ERG: variants seen among roughly 807,000 people sequenced by gnomAD.
The protein encoded by ERG is transcriptional regulator ERG.
A neutral mutation model predicts 55.3 loss-of-function variants in ERG; 9 were observed. That is an observed-to-expected ratio of 0.16 (90% confidence interval 0.10 to 0.28). The LOEUF (loss-of-function observed/expected upper bound fraction) is 0.28, where lower values mean the gene tolerates loss of function less well. Ranked by LOEUF, ERG falls within the 10% of genes least tolerant of loss-of-function variation. The pLI, the probability that ERG is intolerant of heterozygous loss-of-function variation, is 1.00. For synonymous variants in ERG, 223 were observed against 237.3 expected, an observed-to-expected ratio of 0.94 and a Z score of 0.55; for missense variants, 434 against 631.6, an observed-to-expected ratio of 0.69 and a Z score of 3.35.
intron 1 of ERG, among the ~76,000 whole-genome samples, chr21:38,613,296 C>T (rs967525255): frequency 2.6e-5 from 4 of 152,326 alleles, no homozygotes; most frequent in East Asian, 1.9e-4. Context: ...AAAGTTAGCA[C>T]ACGCGGCCCC....
intron 1 of ERG, among the ~76,000 whole-genome samples, chr21:38,482,143 C>T (rs1218636470): frequency 1.3e-5 from 2 of 152,178 alleles, no homozygotes; most frequent in African/African-American, 2.4e-5. Flanking sequence ...ATCATGTACT[C>T]GGCAGCACTC....
At chr21:38,520,004 T>C (rs111246525) in intron 2 of ERG, among the ~76,000 whole-genome samples, 1,714 of 150,510 alleles carry the variant, frequency 0.011, 13 homozygotes, top group Non-Finnish European at 0.019. Context: ...CACACACACA[T>C]ACAGACACAC....
intron 2 of ERG, among the ~76,000 whole-genome samples, chr21:38,571,317 C>A (rs1443866024): frequency 1.3e-5 from 2 of 151,974 alleles, no homozygotes; most frequent in African/African-American, 4.8e-5. Context: ...TTGAGACCAG[C>A]CTGGGCAAGA....
Position 38,652,525 on chromosome 21 carries a change from C to T in ERG, c.-150+9133G>A, listed in dbSNP as rs140909174. On this transcript the variant is annotated intron_variant, in intron 1 of 10. Coordinates refer to the ERG transcript ENST00000398910. ...AGAAACAAGGGTAAGAACATAAACT[C>T]GAGCTAGGAATGCAATGGCCCGCCA... 8.4e-4 allele frequency among the ~76,000 whole-genome samples: 128 copies of T among 152,290 alleles called. 1 individual carries two copies. Among genetic ancestry groups the T allele is most frequent in the Non-Finnish European group, 1.3e-3 (91 of 68,026 alleles).
At chr21:38,387,470 T>C (rs568306312) in intron 9 of ERG, among the ~76,000 whole-genome samples, 1 of 152,330 alleles carries the variant, frequency 6.6e-6, no homozygotes, top group South Asian at 2.1e-4. Context: ...AGCTGAATCC[T>C]GCCTCTGCCC....
At chr21:38,495,247 C>T (rs1488853947) in intron 1 of ERG, among the ~76,000 whole-genome samples, 1 of 152,200 alleles carries the variant, frequency 6.6e-6, no homozygotes, top group Non-Finnish European at 1.5e-5. Context: ...AATGTGCAGA[C>T]GTGGCGTATA....
At chr21:38,483,829 A>T (rs35693265) in intron 1 of ERG, among the ~76,000 whole-genome samples, 18,226 of 152,188 alleles carry the variant, frequency 0.12, 1,230 homozygotes, top group East Asian at 0.26. Flanking sequence ...ATTGCACCAC[A>T]GCATTCCAGC....
In ERG at chr21:38,423,419, C is replaced by A. The variant is rs1028107759; in HGVS notation, c.379G>T (p.Val127Leu). ...NMTTNERRVI[V>L]PADPTLWSTD... ...GCTGTGGGCACCTGACCTGCTGGCA[C>A]GATAACTCTGCGCTCGTTCGTGGTC... The change falls in exon 3 of 10, where the codon GTG becomes TTG. Residue 127 changes from valine (V) to leucine (L), a missense_variant. By Grantham distance (32) the Val-to-Leu change is conservative. Transcript: ENST00000288319. 2 of 1,613,096 alleles carry A rather than the reference C, an allele frequency of 1.2e-6. No homozygotes were observed. The highest frequency in any genetic ancestry group is 1.7e-6 in the Non-Finnish European group (2 of 1,179,358).
intron 2 of ERG, among the ~76,000 whole-genome samples, chr21:38,438,154 A>C (rs7283535): frequency 0.84 from 127,902 of 152,218 alleles, 54,001 homozygotes; most frequent in South Asian, 0.93. Context: ...AATCACGGGC[A>C]TTCTCCCTCA....
intron 3 of ERG, among the ~76,000 whole-genome samples, chr21:38,418,675 C>G (rs993663015): frequency 2.0e-5 from 3 of 151,704 alleles, no homozygotes; most frequent in Non-Finnish European, 2.9e-5. Context: ...GCCTGTAATC[C>G]CAGCACTTTG....
intron 1 of ERG, among the ~76,000 whole-genome samples, chr21:38,603,580 C>T (rs547516703): frequency 2.0e-5 from 3 of 151,634 alleles, no homozygotes; most frequent in African/African-American, 7.3e-5. Flanking sequence ...TGGGGCCCAT[C>T]ATTGGAAATG....
chr21:38,418,681 C>T (rs1415646374), intron 3 of ERG, among the ~76,000 whole-genome samples: 2 of 151,322 alleles, frequency 1.3e-5, no homozygotes, highest in Non-Finnish European at 2.9e-5. Flanking sequence ...AATCCCAGCA[C>T]TTTGGGAGGC....
intron 1 of ERG, among the ~76,000 whole-genome samples, chr21:38,497,006 G>A (rs1037851903): frequency 4.6e-5 from 7 of 152,204 alleles, no homozygotes; most frequent in Non-Finnish European, 7.3e-5. Context: ...GTAGCTATAA[G>A]TAGGGCACAT....
intron 1 of ERG, among the ~76,000 whole-genome samples, chr21:38,656,957 A>T (rs1303928411): frequency 6.6e-6 from 1 of 152,206 alleles, no homozygotes; most frequent in Non-Finnish European, 1.5e-5. Context: ...GGGAGCACAT[A>T]TAAGACAAAA....
chr21:38,422,035 A>G (rs1406579280), intron 3 of ERG, among the ~76,000 whole-genome samples: 1 of 152,180 alleles, frequency 6.6e-6, no homozygotes, highest in African/African-American at 2.4e-5. Context: ...AAACTTTTAC[A>G]TAAACATGCA....
chr21:38,564,598 T>G (rs1354951818), intron 2 of ERG, among the ~76,000 whole-genome samples: 1 of 151,890 alleles, frequency 6.6e-6, no homozygotes, highest in African/African-American at 2.4e-5. Flanking sequence ...TTTTTTTTTG[T>G]TCATATTCAC....
chr21:38,498,712 G>A (rs774162016), upstream of ERG, among the ~76,000 whole-genome samples: 3 of 151,932 alleles, frequency 2.0e-5, no homozygotes, highest in African/African-American at 4.8e-5. The surrounding 1 kb of genome is among the most constrained non-coding windows in gnomAD (Gnocchi z 4.6). Flanking sequence ...CCGGTGTGCC[G>A]CCGTGTGACA....
chr21:38,518,200 AACT>A (rs2146741226), intron 2 of ERG, among the ~76,000 whole-genome samples: 1 of 152,222 alleles, frequency 6.6e-6, no homozygotes, highest in African/African-American at 2.4e-5. Flanking sequence ...GCATGTAACA[AACT>A]ATCACATGTA....
At chr21:38,449,785 A>C (rs954282966) in intron 1 of ERG, among the ~76,000 whole-genome samples, 7 of 152,212 alleles carry the variant, frequency 4.6e-5, no homozygotes, top group African/African-American at 1.4e-4. Context: ...AAAATATTAC[A>C]TTGTTAATAC....
Sources: allele counts gnomAD v4.1 joint callset (sites outside exome capture counted in the v4.1 genomes callset), GRCh38; gene constraint gnomAD v4.1.1; non-coding constraint Gnocchi (gnomAD v3.1); transcripts MANE v1.5; gene names NCBI Gene and HGNC (gene_info 2026-07-23, HGNC 2026-07-21).